CCNJL: variants seen among roughly 807,000 people sequenced by gnomAD.
The protein encoded by CCNJL is cyclin-J-like protein.
In CCNJL, 33 loss-of-function variants were observed where a neutral mutation model predicts 33.4. The observed-to-expected ratio is 0.99, with a 90% confidence interval of 0.75 to 1.32. The LOEUF is 1.32. Ranked by LOEUF, CCNJL falls within the 40% of genes most tolerant of loss-of-function variation. CCNJL has a pLI of 0.00. For synonymous variants in CCNJL, 227 were observed against 220.9 expected (o/e 1.03, Z -0.24); for missense variants, 512 against 499.7 (o/e 1.02, Z -0.23).
chr5:160,338,225 C>T (rs574935208), intron 1 of CCNJL, among the ~76,000 whole-genome samples: 21 of 127,968 alleles, frequency 1.6e-4, no homozygotes, highest in South Asian at 1.2e-3. Context: ...GGTGAAACCC[C>T]GTCTCTACAA....
intron 1 of CCNJL, among the ~76,000 whole-genome samples, chr5:160,333,458 G>A (rs146512746): frequency 6.6e-6 from 1 of 152,038 alleles, no homozygotes; most frequent in Admixed American, 6.5e-5. Flanking sequence ...AGGCATGGCA[G>A]TGTGCACCTG....
chr5:160,318,677 G>A (rs1763405553), intron 1 of CCNJL, among the ~76,000 whole-genome samples: 1 of 152,218 alleles, frequency 6.6e-6, no homozygotes, highest in Non-Finnish European at 1.5e-5. Flanking sequence ...TATGCCTAAG[G>A]TAGAGCGTGT....
At chr5:160,330,901 C>T (rs576776893) in intron 1 of CCNJL, among the ~76,000 whole-genome samples, 1 of 152,288 alleles carries the variant, frequency 6.6e-6, no homozygotes, top group African/African-American at 2.4e-5. Context: ...GATCTGCCCA[C>T]CTTGGCCTCC....
intron 1 of CCNJL, among the ~76,000 whole-genome samples, chr5:160,321,030 CTTTCTTTCTTTCTTTCTT>C (rs1561812800): frequency 2.4e-5 from 1 of 41,502 alleles, no homozygotes; most frequent in Non-Finnish European, 4.3e-5. Flanking sequence ...TTCTTTCTTT[CTTTCTTTCTTTCTTTCTT>C]TCTTTCTTTC....
chr5:160,339,447 C>G (rs1182227583), exon 1 of CCNJL: 1 of 450,428 alleles, frequency 2.2e-6, no homozygotes, highest in East Asian at 7.0e-5. Context: ...TTACTTACTC[C>G]TCCAAGTGTT....
Position 160,259,685 on chromosome 5 carries a change from T to C in CCNJL, c.367A>G (p.Thr123Ala), listed in dbSNP as rs1178127715. The C allele has an allele frequency of 6.2e-7, 1 of 1,614,100 alleles. No individual in the cohort carries two copies. Among genetic ancestry groups the C allele is most frequent in the Admixed American group, 1.7e-5 (1 of 60,016 alleles). ...TCTGTGCTCAGCAGCTCCTTCTTGG[T>C]GAGGGTGAAGTTCTGGCTGCTCAGG... ...RILSSQNFTLTKKELLSTELL... is the reference protein window; with the variant it reads ...RILSSQNFTLAKKELLSTELL... The change falls in exon 4 of 6, where the codon ACC becomes GCC. Residue 123 changes from threonine to alanine, a missense_variant. Coordinates refer to ENST00000257536, the MANE Select transcript of CCNJL (RefSeq NM_001308173.3).
chr5:160,321,579 C>T (rs1692077955), intron 1 of CCNJL, among the ~76,000 whole-genome samples: 1 of 152,178 alleles, frequency 6.6e-6, no homozygotes, highest in South Asian at 2.1e-4. Flanking sequence ...GTTGGGAAAT[C>T]TATGAAAAAT....
intron 3 of CCNJL, among the ~76,000 whole-genome samples, chr5:160,275,363 G>C (rs879499180): frequency 2.6e-5 from 4 of 152,260 alleles, no homozygotes; most frequent in African/African-American, 9.6e-5. Context: ...TGGGGTAACA[G>C]GCTTGAGTCA....
intron 1 of CCNJL, among the ~76,000 whole-genome samples, chr5:160,321,012 C>CCCTT (rs1349847581): frequency 2.8e-5 from 2 of 71,952 alleles, no homozygotes; most frequent in South Asian, 5.1e-4. Context: ...CTCTCTCTCT[C>CCCTT]TCTTTCTTTC....
intron 2 of CCNJL, among the ~76,000 whole-genome samples, chr5:160,305,742 G>C (rs1043508728): frequency 6.6e-6 from 1 of 152,186 alleles, no homozygotes; most frequent in Non-Finnish European, 1.5e-5. Flanking sequence ...ACTTATTCCT[G>C]TGAGCCTTGC....
At chr5:160,256,320 T>C (rs1254704844) in intron 4 of CCNJL, among the ~76,000 whole-genome samples, 2 of 152,208 alleles carry the variant, frequency 1.3e-5, no homozygotes, top group African/African-American at 2.4e-5. Flanking sequence ...CTTTGGTTAT[T>C]ATAAGAGAAT....
At chr5:160,306,025 G>T (rs1486543684) in intron 2 of CCNJL, among the ~76,000 whole-genome samples, 1 of 152,198 alleles carries the variant, frequency 6.6e-6, no homozygotes, top group African/African-American at 2.4e-5. Context: ...TGTGATCCCA[G>T]CACTCTGAGA....
chr5:160,258,301 A>C, intron 4 of CCNJL: 12 of 735,506 alleles, frequency 1.6e-5, no homozygotes, highest in East Asian at 5.1e-5. Flanking sequence ...GCTGGATGGT[A>C]TTCGAAAATG....
At chr5:160,310,131 G>C (rs923699352) in intron 2 of CCNJL, among the ~76,000 whole-genome samples, 5 of 152,300 alleles carry the variant, frequency 3.3e-5, no homozygotes, top group Admixed American at 3.3e-4. Flanking sequence ...GCTATGAGCA[G>C]AAATGACAAC....
chr5:160,257,310 C>A (rs1012578480), intron 4 of CCNJL, among the ~76,000 whole-genome samples: 3 of 151,822 alleles, frequency 2.0e-5, no homozygotes, highest in Non-Finnish European at 4.4e-5. Flanking sequence ...CCCAACTCTA[C>A]TAAAAATACA....
intron 3 of CCNJL, among the ~76,000 whole-genome samples, chr5:160,280,205 A>T (rs1343644101): frequency 6.6e-6 from 1 of 152,194 alleles, no homozygotes; most frequent in African/African-American, 2.4e-5. Flanking sequence ...CTTGTCTGCC[A>T]TATACTACCC....
chr5:160,266,504 C>A (rs986423310), intron 3 of CCNJL, among the ~76,000 whole-genome samples: 1 of 152,156 alleles, frequency 6.6e-6, no homozygotes, highest in African/African-American at 2.4e-5. Flanking sequence ...TGTCCTGGAG[C>A]AGGGGCAGGG....
chr5:160,311,423 T>C (rs1195026889), intron 2 of CCNJL, among the ~76,000 whole-genome samples: 1 of 152,180 alleles, frequency 6.6e-6, no homozygotes, highest in African/African-American at 2.4e-5. Context: ...TGTTTTAAAA[T>C]AAACTGCGAC....
intron 1 of CCNJL, among the ~76,000 whole-genome samples, chr5:160,334,793 G>A (rs1581025135): frequency 1.3e-5 from 2 of 152,340 alleles, no homozygotes; most frequent in East Asian, 3.9e-4. Context: ...GGTTTGTTAA[G>A]AACAGATGGC....
Sources: gnomAD v4.1 joint callset for allele counts (sites outside exome capture counted in the v4.1 genomes callset) on GRCh38, gnomAD v4.1.1 for gene constraint, MANE v1.5 for transcripts, NCBI Gene and HGNC (gene_info 2026-07-23, HGNC 2026-07-21) for gene names.